PATJ: variants seen among roughly 807,000 people sequenced by gnomAD.
PATJ encodes the protein inaD-like protein.
In PATJ, 190 loss-of-function variants were observed where a neutral mutation model predicts 224.9. The ratio of observed to expected loss-of-function variants is 0.84; its 90% CI spans 0.75 to 0.95. The LOEUF is 0.95. Among genes scored for constraint, PATJ ranks in the 40% least tolerant of loss-of-function variants. PATJ has a pLI of 0.00. For synonymous variants in PATJ, 769 were observed against 820.3 expected, an observed-to-expected ratio of 0.94 and a Z score of 1.07; for missense variants, 2,121 against 2,270.3, an observed-to-expected ratio of 0.93 and a Z score of 1.34.
chr1:61,860,643 T>C (rs1201232387), intron 18 of PATJ, among the ~76,000 whole-genome samples: 1 of 152,074 alleles, frequency 6.6e-6, no homozygotes, highest in East Asian at 1.9e-4. Flanking sequence ...CTGCCCAACA[T>C]GGCGAAACCT....
In PATJ at chr1:61,837,820, T is replaced by A. The variant is rs116745992; in HGVS notation, c.2112+4035T>A. 7.1e-3 allele frequency among the ~76,000 whole-genome samples: 1,018 copies of A among 144,134 alleles called. 11 individuals carry two copies. Among genetic ancestry groups the A allele is most frequent in the African/African-American group, 0.025 (975 of 39,090 alleles). 94.6% of individuals were successfully genotyped at this position (144,134 alleles called of 152,430 possible). ...AAAAAAAAAAAAAGGGAAAGATGAGTGAGCAGATAAAGGAGCTTGAATTAG... is the reference window on the plus strand; with the variant it reads ...AAAAAAAAAAAAAGGGAAAGATGAGAGAGCAGATAAAGGAGCTTGAATTAG... On this transcript the variant is annotated intron_variant, in intron 17 of 43. Coordinates refer to ENST00000642238, the MANE Select transcript of PATJ (RefSeq NM_001350145.3).
At chr1:62,013,831 T>C (rs1322169789) in intron 28 of PATJ, among the ~76,000 whole-genome samples, 1 of 151,938 alleles carries the variant, frequency 6.6e-6, no homozygotes, top group Non-Finnish European at 1.5e-5. Flanking sequence ...TGGAGTGCAG[T>C]GGTGCGATTT....
chr1:61,797,256 C>A (rs1420661101), intron 10 of PATJ, 31 bp from the exon 11 acceptor site: 1 of 1,589,826 alleles, frequency 6.3e-7, no homozygotes, highest in Non-Finnish European at 8.6e-7. Flanking sequence ...TAATTTAAAA[C>A]CTCTGCTTAA....
chr1:62,137,181 A>G (rs1427186658), intron 41 of PATJ, among the ~76,000 whole-genome samples: 2 of 151,880 alleles, frequency 1.3e-5, no homozygotes, highest in African/African-American at 4.8e-5. Flanking sequence ...ATTAAGTTTA[A>G]TGTTCCTTTT....
At chr1:62,026,260 T>C (rs796773512) in intron 29 of PATJ, among the ~76,000 whole-genome samples, 12 of 152,344 alleles carry the variant, frequency 7.9e-5, no homozygotes, top group African/African-American at 2.9e-4. Flanking sequence ...AATGATTTGC[T>C]TTGTTTTGTA....
chr1:62,114,119 C>T lies in PATJ; in HGVS notation c.4528C>T (p.Gln1510Ter), dbSNP rs372893315. 2.5e-6 allele frequency: 4 copies of T among 1,614,156 alleles called. No homozygotes were observed. Among genetic ancestry groups the T allele is most frequent in the South Asian group, 1.1e-5 (1 of 91,086 alleles). Residue 1510 changes from glutamine to a stop codon, truncating the protein, a stop_gained, in exon 35 of 44, where the codon CAG becomes TAG. Transcript: ENST00000642238. LOFTEE classifies it high-confidence loss of function. ...EAITALRQTP[Q>*]KVRLVVYRDE... ...CATCACAGCCCTGAGGCAGACCCCCCAGAAGGTGCGGCTGGTGGTGTATAG... is the reference window on the plus strand; with the variant it reads ...CATCACAGCCCTGAGGCAGACCCCCTAGAAGGTGCGGCTGGTGGTGTATAG...
chr1:62,148,125 A>AAAAAAAAAC (rs1668252143), intron 41 of PATJ, among the ~76,000 whole-genome samples, 159 bp from the exon 42 acceptor site: 1 of 149,876 alleles, frequency 6.7e-6, no homozygotes, highest in Non-Finnish European at 1.5e-5. Context: ...TGTCTTTAAA[A>AAAAAAAAAC]AAAAAAAAAA....
At chr1:61,765,943 A>C (rs186379182) in intron 3 of PATJ, among the ~76,000 whole-genome samples, 703 of 152,286 alleles carry the variant, frequency 4.6e-3, no homozygotes, top group Non-Finnish European at 6.6e-3. Flanking sequence ...TGTACAGATA[A>C]ATGGAAAAAG....
intron 19 of PATJ, among the ~76,000 whole-genome samples, chr1:61,863,339 C>CT (rs1664929938): frequency 6.6e-6 from 1 of 152,032 alleles, no homozygotes; most frequent in East Asian, 1.9e-4. Context: ...CCCAGCCCTA[C>CT]TGTGTTAATT....
At chr1:61,997,982 T>TGTTA (rs1553236114) in intron 28 of PATJ, among the ~76,000 whole-genome samples, 1 of 118,338 alleles carries the variant, frequency 8.5e-6, no homozygotes. Context: ...TGTGCCCAGC[T>TGTTA]TATATATGTA....
intron 41 of PATJ, among the ~76,000 whole-genome samples, chr1:62,137,470 A>AGAG (rs35331735): frequency 9.8e-5 from 1 of 10,252 alleles, no homozygotes; most frequent in Non-Finnish European, 1.5e-4. Flanking sequence ...GGGGCACAGC[A>AGAG]GCCTGAGGGG....
In PATJ at chr1:62,136,477, T is replaced by TTGTGTGTG. The variant is rs111398189; in HGVS notation, c.5271+7550_5271+7557dup. Among the ~76,000 whole-genome samples, 183 of 149,210 alleles carry TTGTGTGTG rather than the reference T, an allele frequency of 1.2e-3. 1 individual carries two copies. The South Asian group carries it at 0.032, about 26-fold the overall frequency. ...ACCAAAGGCCAGGCATGGGCTTTTCTTGTGTGTGTGTGTGTGTGTGTGTGT... is the reference window on the plus strand; with the variant it reads ...ACCAAAGGCCAGGCATGGGCTTTTCTTGTGTGTGTGTGTGTGTGTGTGTGTGTGTGTGT... On this transcript the variant is annotated intron_variant, in intron 41 of 43. Transcript: ENST00000642238.
chr1:61,763,261 A>G, intron 3 of PATJ, 82 bp downstream of exon 3: 1 of 805,358 alleles, frequency 1.2e-6, no homozygotes, highest in South Asian at 3.3e-5. Flanking sequence ...GAGATAGACA[A>G]AGACAAATTA....
chr1:62,000,201 T>TTTG (rs1553237173), intron 28 of PATJ, among the ~76,000 whole-genome samples: 41 of 141,548 alleles, frequency 2.9e-4, no homozygotes, highest in Non-Finnish European at 5.1e-4. Flanking sequence ...GAGTTTTTTG[T>TTTG]TTTTTTTTTT....
At chr1:61,836,095 C>T (rs914281048) in intron 17 of PATJ, among the ~76,000 whole-genome samples, 4 of 152,086 alleles carry the variant, frequency 2.6e-5, no homozygotes, top group African/African-American at 9.7e-5. Flanking sequence ...GAAAGAAAAA[C>T]TAGATAGTCC....
At chr1:61,898,603 TACA>T (rs1429796582) in intron 22 of PATJ, among the ~76,000 whole-genome samples, 1 of 152,132 alleles carries the variant, frequency 6.6e-6, no homozygotes, top group Non-Finnish European at 1.5e-5. Flanking sequence ...TAATACAATT[TACA>T]ACATCGGACT....
intron 33 of PATJ, among the ~76,000 whole-genome samples, chr1:62,087,736 A>T (rs1272231016): frequency 6.6e-6 from 1 of 151,584 alleles, no homozygotes; most frequent in Non-Finnish European, 1.5e-5. Context: ...CTTCTGCTTG[A>T]TAAAAGTACT....
chr1:61,854,203 C>T (rs1663278394), intron 17 of PATJ, among the ~76,000 whole-genome samples: 1 of 152,124 alleles, frequency 6.6e-6, no homozygotes, highest in Admixed American at 6.6e-5. Context: ...TTTTGTAATT[C>T]CCACAGAAAA....
chr1:61,750,272 G>A (rs1240892444), intron 1 of PATJ, among the ~76,000 whole-genome samples: 1 of 152,154 alleles, frequency 6.6e-6, no homozygotes, highest in Non-Finnish European at 1.5e-5. Context: ...CACCTTGCTT[G>A]GTTTGGTAGA....
Sources: gnomAD v4.1 joint callset for allele counts (sites outside exome capture counted in the v4.1 genomes callset) on GRCh38, gnomAD v4.1.1 for gene constraint, MANE v1.5 for transcripts, NCBI Gene and HGNC (gene_info 2026-07-23, HGNC 2026-07-21) for gene names.